Variants in MICU3 observed in about 807,000 individuals in gnomAD.
MICU3 encodes calcium uptake protein 3, mitochondrial.
MICU3 carries 62 observed loss-of-function variants against 66.5 expected under a neutral mutation model. The ratio of observed to expected loss-of-function variants is 0.93; its 90% CI spans 0.76 to 1.15. The LOEUF is 1.15. Among genes scored for constraint, MICU3 ranks in the 50% most tolerant of loss-of-function variants. The pLI, the probability that MICU3 is intolerant of heterozygous loss-of-function variation, is 0.00. For missense variants in MICU3, 779 were observed against 664.4 expected (o/e 1.17, Z -1.90); for synonymous variants, 308 against 240.7 (o/e 1.28, Z -2.59).
intron 5 of MICU3, among the ~76,000 whole-genome samples, chr8:17,082,591 A>T (rs1049793975): frequency 1.3e-5 from 2 of 152,122 alleles, no homozygotes; most frequent in African/African-American, 4.8e-5. Context: ...CTGTATCAAG[A>T]ACAGTGTCTC....
At chr8:17,097,717 G>C (rs375800002) in intron 8 of MICU3, among the ~76,000 whole-genome samples, 1 of 151,500 alleles carries the variant, frequency 6.6e-6, no homozygotes, top group East Asian at 1.9e-4. Flanking sequence ...ACAGAAACTG[G>C]GTTTAATTAT....
At chr8:17,049,110 G>C (rs1815618691) in intron 1 of MICU3, among the ~76,000 whole-genome samples, 1 of 152,084 alleles carries the variant, frequency 6.6e-6, no homozygotes, top group East Asian at 1.9e-4. Flanking sequence ...GAACATTTCA[G>C]ACTTTTCTCT....
chr8:17,045,680 C>T, intron 1 of MICU3, among the ~76,000 whole-genome samples: 1 of 152,200 alleles, frequency 6.6e-6, no homozygotes, highest in East Asian at 1.9e-4. Flanking sequence ...TTAGTCTGTT[C>T]TCATGCTGCT....
chr8:17,039,324 T>G (rs1053341196), intron 1 of MICU3, among the ~76,000 whole-genome samples: 1 of 152,206 alleles, frequency 6.6e-6, no homozygotes, highest in Non-Finnish European at 1.5e-5. Context: ...ATCCGAAGTA[T>G]GCCTGTAAAT....
the MICU3 span, chr8:17,131,219 A>T: frequency 6.6e-6 from 1 of 152,240 alleles, no homozygotes; most frequent in Non-Finnish European, 1.5e-5. Flanking sequence ...ATCAGGAGCA[A>T]CCGTTATGGC....
intron 1 of MICU3, among the ~76,000 whole-genome samples, chr8:17,058,916 A>G (rs1421469106): frequency 6.6e-6 from 1 of 152,252 alleles, no homozygotes; most frequent in Non-Finnish European, 1.5e-5. Flanking sequence ...AGTTAGGTGT[A>G]TGTAGGCAGA....
chr8:17,105,217 GGTGCTACA>G (rs1157745879), intron 10 of MICU3, among the ~76,000 whole-genome samples, 188 bp from the exon 11 acceptor site: 1 of 151,836 alleles, frequency 6.6e-6, no homozygotes, highest in African/African-American at 2.4e-5. Flanking sequence ...ATTTGCCCTG[GGTGCTACA>G]GTCATTAAGT....
Sources: allele counts gnomAD v4.1 joint callset (sites outside exome capture counted in the v4.1 genomes callset), GRCh38; gene constraint gnomAD v4.1.1; transcripts MANE v1.5; gene names NCBI Gene and HGNC (gene_info 2026-07-23, HGNC 2026-07-21).